SMARCAD1: variants seen among roughly 807,000 people sequenced by gnomAD.
SMARCAD1 encodes the protein SWI/SNF-related matrix-associated actin-dependent regulator of chromatin subfamily A containing DEAD/H box 1.
In SMARCAD1, 25 loss-of-function variants were observed where a neutral mutation model predicts 127.1. That is an observed-to-expected ratio of 0.20 (90% CI 0.14 to 0.27). The LOEUF (loss-of-function observed/expected upper bound fraction) is 0.27, where lower values mean the gene tolerates loss of function less well. Ranked by LOEUF, SMARCAD1 falls within the 10% of genes least tolerant of loss-of-function variation. SMARCAD1 has a pLI of 1.00. For missense variants in SMARCAD1, 807 were observed against 1,206.0 expected, an observed-to-expected ratio of 0.67 and a Z score of 4.90; for synonymous variants, 400 against 396.9, an observed-to-expected ratio of 1.01 and a Z score of -0.09.
At chr4:94,237,207 T>C (rs1746798206) in intron 5 of SMARCAD1, among the ~76,000 whole-genome samples, 189 bp downstream of exon 5, 2 of 152,146 alleles carry the variant, frequency 1.3e-5, no homozygotes, top group South Asian at 4.1e-4. Flanking sequence ...TTTTACTGCT[T>C]TTCTACCAAT....
At chr4:94,279,731 A>G (rs1275323132) in intron 19 of SMARCAD1, among the ~76,000 whole-genome samples, 3 of 151,932 alleles carry the variant, frequency 2.0e-5, no homozygotes, top group African/African-American at 4.8e-5. Flanking sequence ...AGACTTCCAT[A>G]ATGCACTTCT....
rs1420867769 is a variant in SMARCAD1 at position 94,208,037 on chromosome 4, G to T, written c.-83G>T. On this transcript the variant is annotated 5_prime_UTR_variant, in exon 1 of 24. Transcript: ENST00000354268. ...TGGGCGGGCGCGAGGCCCGCTAGGG[G>T]GTTATACTGGGGAACGTGCCTGCGC... 5 of 458,528 alleles carry T rather than the reference G, an allele frequency of 1.1e-5. No individual in the cohort carries two copies. The East Asian group carries it at 3.2e-4, about 29-fold the overall frequency. 28.4% of individuals were successfully genotyped at this position (458,528 alleles called of 1,614,324 possible).
intron 6 of SMARCAD1, among the ~76,000 whole-genome samples, chr4:94,246,116 C>CT (rs765392820): frequency 0.012 from 1,686 of 139,858 alleles, 15 homozygotes; most frequent in African/African-American, 0.032. Flanking sequence ...AACTGACATT[C>CT]TTTTTTTTTT....
At chr4:94,258,405 T>G (rs534905516) in intron 9 of SMARCAD1, among the ~76,000 whole-genome samples, 2 of 152,216 alleles carry the variant, frequency 1.3e-5, no homozygotes, top group South Asian at 4.2e-4. Context: ...TCCGCTCACC[T>G]CCACCTCCCA....
At chr4:94,247,446 G>C (rs36000008) in intron 6 of SMARCAD1, among the ~76,000 whole-genome samples, 2 of 152,138 alleles carry the variant, frequency 1.3e-5, no homozygotes, top group Admixed American at 6.5e-5. Flanking sequence ...AACAACACAT[G>C]ATAGGCACAC....
intron 5 of SMARCAD1, among the ~76,000 whole-genome samples, 158 bp from the exon 6 acceptor site, chr4:94,240,748 T>G (rs1251463831): frequency 1.3e-5 from 2 of 152,226 alleles, no homozygotes; most frequent in East Asian, 3.8e-4. Context: ...TGTTTACTTT[T>G]TTTTTCAATT....
intron 15 of SMARCAD1, among the ~76,000 whole-genome samples, 188 bp from the exon 16 acceptor site, chr4:94,276,834 G>A (rs527480969): frequency 3.0e-4 from 46 of 152,210 alleles, no homozygotes; most frequent in African/African-American, 8.9e-4. Context: ...AATGGTTTTC[G>A]TATTCATTGC....
At chr4:94,276,560 T>C in intron 15 of SMARCAD1, 86 bp downstream of exon 15, 1 of 1,486,806 alleles carries the variant, frequency 6.7e-7, no homozygotes, top group Non-Finnish European at 9.2e-7. Context: ...TAGCAGAATC[T>C]GTATTATGTA....
intron 9 of SMARCAD1, 186 bp downstream of exon 9, chr4:94,253,193 T>C (rs1749538525): frequency 6.7e-7 from 1 of 1,498,058 alleles, no homozygotes; most frequent in Admixed American, 2.0e-5. Flanking sequence ...TAATTTTGAA[T>C]GAATTAAGGG....
chr4:94,233,053 G>A (rs1265868772), intron 3 of SMARCAD1, among the ~76,000 whole-genome samples: 1 of 152,138 alleles, frequency 6.6e-6, no homozygotes, highest in Non-Finnish European at 1.5e-5. Context: ...CACATGTTGT[G>A]CCATAAAGGA....
intron 23 of SMARCAD1, among the ~76,000 whole-genome samples, chr4:94,288,771 G>C (rs1426829619): frequency 6.6e-6 from 1 of 152,032 alleles, no homozygotes; most frequent in Non-Finnish European, 1.5e-5. Flanking sequence ...TGCCACCTGT[G>C]CTGTTGTCAC....
intron 6 of SMARCAD1, chr4:94,248,665 A>G (rs1748827018): frequency 5.4e-6 from 2 of 373,280 alleles, no homozygotes; most frequent in Non-Finnish European, 5.3e-6. Flanking sequence ...TAACCTATTA[A>G]CATTCTCTGC....
chr4:94,220,533 C>T (rs930671064), intron 2 of SMARCAD1, among the ~76,000 whole-genome samples: 5 of 152,320 alleles, frequency 3.3e-5, no homozygotes, highest in Middle Eastern at 3.4e-3. Context: ...CAGGCATGAG[C>T]CACCGTGTCC....
Position 94,240,957 on chromosome 4 carries a change from A to C in SMARCAD1, c.656A>C (p.Glu219Ala), listed in dbSNP as rs1365846803. 5.6e-6 allele frequency: 9 copies of C among 1,613,396 alleles called. No homozygotes were observed. Among genetic ancestry groups the C allele is most frequent in the Non-Finnish European group, 7.6e-6 (9 of 1,179,670 alleles). Reference protein sequence around the residue: ...KLSSSSEPYEEDEFNDDQSIK... With the variant: ...KLSSSSEPYEADEFNDDQSIK... ...TCTTCTTCTTCAGAGCCATATGAGG[A>C]AGATGAATTTAATGATGATCAATCT... The change falls in exon 6 of 24, where the codon GAA (glutamate) becomes GCA (alanine). Residue 219 changes from glutamate (E) to alanine (A), a missense_variant. Glu to Ala is a moderately radical substitution (Grantham distance 107, BLOSUM62 -1). This residue lies in a region of SMARCAD1 where 48 missense variants were observed against 90.8 expected (regional missense o/e 0.53). Coordinates refer to ENST00000354268, the MANE Select transcript of SMARCAD1 (RefSeq NM_020159.5).
intron 6 of SMARCAD1, among the ~76,000 whole-genome samples, chr4:94,242,001 C>CTTCTA (rs777752412): frequency 6.6e-6 from 1 of 151,944 alleles, no homozygotes; most frequent in African/African-American, 2.4e-5. Context: ...CACCGTTATC[C>CTTCTA]TTCTATTCTA....
intron 6 of SMARCAD1, 69 bp from the exon 7 acceptor site, chr4:94,249,577 AATACAATG>A (rs2125910583): frequency 1.2e-6 from 1 of 808,844 alleles, no homozygotes; most frequent in Admixed American, 1.8e-5. Context: ...ATCAAGTCAA[AATACAATG>A]ATAATTGCCT....
intron 4 of SMARCAD1, among the ~76,000 whole-genome samples, chr4:94,235,681 G>A (rs1746552315): frequency 6.9e-6 from 1 of 145,180 alleles, no homozygotes; most frequent in African/African-American, 2.6e-5. Context: ...ATGTAGACAT[G>A]AGGGCTAAAG....
At chr4:94,284,871 G>C in intron 22 of SMARCAD1, 89 bp from the exon 23 acceptor site, 1 of 820,738 alleles carries the variant, frequency 1.2e-6, no homozygotes, top group Non-Finnish European at 2.0e-6. Flanking sequence ...AATTTTCAAA[G>C]TATTCTTTTT....
intron 22 of SMARCAD1, 71 bp downstream of exon 22, chr4:94,283,374 G>A (rs1178630984): frequency 6.9e-6 from 10 of 1,459,514 alleles, no homozygotes; most frequent in African/African-American, 1.4e-5. Context: ...TTAGAATATA[G>A]TGTTGGATGT....
Sources: allele counts gnomAD v4.1 joint callset (sites outside exome capture counted in the v4.1 genomes callset), GRCh38; gene constraint gnomAD v4.1.1; regional missense constraint gnomAD v4.1.1; transcripts MANE v1.5; gene names NCBI Gene and HGNC (gene_info 2026-07-23, HGNC 2026-07-21).